The following ACE variants were observed in gnomAD, a reference collection of about 807,000 sequenced individuals.
ACE encodes the protein angiotensin-converting enzyme.
ACE carries 122 observed loss-of-function variants against 162.3 expected under a neutral mutation model. That is an observed-to-expected ratio of 0.75 (90% CI 0.65 to 0.87). The LOEUF (loss-of-function observed/expected upper bound fraction) is 0.87, where lower values mean the gene tolerates loss of function less well. Ranked by LOEUF, ACE falls within the 40% of genes least tolerant of loss-of-function variation. ACE has a pLI of 0.00. For missense variants in ACE, 1,799 were observed against 1,735.1 expected, an observed-to-expected ratio of 1.04 and a Z score of -0.65; for synonymous variants, 796 against 720.6, an observed-to-expected ratio of 1.10 and a Z score of -1.68.
Position 63,490,680 on chromosome 17 carries a change from C to A in ACE, c.2642-274C>A, listed in dbSNP as rs1599151103. ...TCCTCACATGTCAGCAGTTGCTAGT[C>A]ACATTGGTCTCCACTGCTCACGGAC... On this transcript the variant is annotated intron_variant, in intron 17 of 24. Transcript: ENST00000290866. 5 of 492,962 alleles carry A rather than the reference C, an allele frequency of 1.0e-5. No individual in the cohort carries two copies. In the East Asian group the frequency reaches 1.9e-4, roughly 19 times the overall value. The allele number at this position is 492,962 out of a possible 1,614,324, so 30.5% of individuals were successfully genotyped here.
intron 15 of ACE, among the ~76,000 whole-genome samples, 161 bp downstream of exon 15, chr17:63,487,234 C>T (rs921334588): frequency 2.6e-5 from 4 of 152,122 alleles, no homozygotes; most frequent in Non-Finnish European, 5.9e-5. Context: ...CTTCTCTGCC[C>T]CACTGAGAGC....
Position 63,491,100 on chromosome 17 carries a change from C to G in ACE, c.2739+49C>G. The G allele has an allele frequency of 6.2e-7, 1 of 1,611,760 alleles. No individual in the cohort carries two copies. The highest frequency in any genetic ancestry group is 1.7e-5 in the Admixed American group (1 of 60,024). On this transcript the variant is annotated intron_variant, in intron 18 of 24. Coordinates refer to ENST00000290866, the MANE Select transcript of ACE (RefSeq NM_000789.4). This position sits in a 1 kb window ranked among gnomAD's most constrained non-coding sequence, Gnocchi z 4.4. ...GAGGCCCCGCCGGGATGGGAGGGAC[C>G]CTCTGATTCAGGAGTTCCCTCCAGT...
At position 63,494,399 on chromosome 17, in the gene ACE, A is replaced by C. The variant is rs771498675; in HGVS notation, c.3309A>C (p.Pro1103=). 2.5e-6 allele frequency: 4 copies of C among 1,614,130 alleles called. No individual in the cohort carries two copies. In the African/African-American group the frequency reaches 4.0e-5, roughly 16 times the overall value. ...TGAAGTACCAGGGCCTCTGCCCCCCAGTGCCCAGGACTCAAGGTGACTTTG... is the reference window on the plus strand; with the variant it reads ...TGAAGTACCAGGGCCTCTGCCCCCCCGTGCCCAGGACTCAAGGTGACTTTG... ...LRLKYQGLCP[P]VPRTQGDFDP... Residue 1103 remains proline, a synonymous_variant, in exon 22 of 25, where the codon CCA becomes CCC. Transcript: ENST00000290866.
chr17:63,480,603 G>GGTAA (rs1170613280), intron 5 of ACE, 75 bp downstream of exon 5: 6 of 1,521,594 alleles, frequency 3.9e-6, no homozygotes, highest in Admixed American at 1.7e-5. Flanking sequence ...GGATGTCCAG[G>GGTAA]GTAAGGGAAG....
At chr17:63,480,674 G>C (rs2049692200) in intron 5 of ACE, 146 bp downstream of exon 5, 1 of 946,000 alleles carries the variant, frequency 1.1e-6, no homozygotes, top group Non-Finnish European at 1.7e-6. Context: ...TTCACATGCA[G>C]GAGACCATTC....
Position 63,493,911 on chromosome 17 carries a change from T to C in ACE, c.3137-11T>C, listed in dbSNP as rs1323072577. On this transcript the variant is annotated splice_polypyrimidine_tract_variant and intron_variant, in intron 20 of 24. Coordinates refer to ENST00000290866, the MANE Select transcript of ACE (RefSeq NM_000789.4). ...CCCTGGGTCTGACAGCTGGGCTCCC[T>C]TCCCTTGCAGAGCATGACATCAACT... 1 of 1,614,114 alleles carries C rather than the reference T, an allele frequency of 6.2e-7. No individual in the cohort carries two copies. The highest frequency in any genetic ancestry group is 8.5e-7 in the Non-Finnish European group (1 of 1,179,986).
At position 63,478,025 on chromosome 17, in the gene ACE, C is replaced by G. The variant is rs1334067073; in HGVS notation, c.344C>G (p.Pro115Arg). 4.4e-6 allele frequency: 7 copies of G among 1,608,736 alleles called. No homozygotes were observed. Among genetic ancestry groups the G allele is most frequent in the Non-Finnish European group, 5.9e-6 (7 of 1,177,956 alleles). Residue 115 changes from proline to arginine, a missense_variant, in exon 2 of 25, where the codon CCG (proline) becomes CGG (arginine). Physicochemically the swap from Pro to Arg is moderately radical, Grantham distance 103 (BLOSUM62 -2). Coordinates refer to ENST00000290866, the MANE Select transcript of ACE (RefSeq NM_000789.4). ...YEPIWQNFTD[P>R]QLRRIIGAVR... The stretch of plus-strand genomic sequence containing the variant: ...CCGATCTGGCAGAACTTCACGGACC[C>G]GCAGCTGCGCAGGATCATCGGAGCT...
intron 6 of ACE, 72 bp from the exon 7 acceptor site, chr17:63,481,494 G>T: frequency 6.4e-7 from 1 of 1,560,024 alleles, no homozygotes; most frequent in Non-Finnish European, 8.8e-7. Context: ...GACCCGAGAT[G>T]GGGACCCCAG....
chr17:63,478,371 A>G, intron 2 of ACE: 1 of 485,626 alleles, frequency 2.1e-6, no homozygotes, highest in African/African-American at 1.9e-5. Flanking sequence ...GCTTCTTTGG[A>G]AGAGTTGAGA....
At chr17:63,478,823 G>A in intron 2 of ACE, 184 bp from the exon 3 acceptor site, 1 of 650,978 alleles carries the variant, frequency 1.5e-6, no homozygotes, top group Non-Finnish European at 2.8e-6. Context: ...TGCCTCCACT[G>A]GCAGGGGACT....
chr17:63,487,212 C>A, intron 15 of ACE, 139 bp downstream of exon 15: 1 of 740,158 alleles, frequency 1.4e-6, no homozygotes, highest in Non-Finnish European at 2.3e-6. Flanking sequence ...TTCTTGTTTT[C>A]CACGAGGGGG....
rs1322398043 is a variant in ACE at position 63,493,991 on chromosome 17, T to C, written c.3206T>C (p.Val1069Ala). 6.2e-7 allele frequency: 1 copy of C among 1,614,088 alleles called. No individual in the cohort carries two copies. The highest frequency in any genetic ancestry group is 8.5e-7 in the Non-Finnish European group (1 of 1,180,010). Residue 1069 changes from valine (V) to alanine (A), a missense_variant, in exon 21 of 25, where the codon GTC becomes GCC. Transcript: ENST00000290866. ...GCCTTTATCCCCTTCAGCTACCTCG[T>C]CGATCAGTGGCGCTGGAGGGTATTT... ...KIAFIPFSYL[V>A]DQWRWRVFDG...
intron 15 of ACE, 52 bp downstream of exon 15, chr17:63,487,125 G>A (rs771173664): frequency 1.3e-6 from 2 of 1,513,644 alleles, no homozygotes; most frequent in Admixed American, 3.3e-5. Context: ...GACTGGCATG[G>A]GGCCCGGGGG....
intron 17 of ACE, chr17:63,490,401 G>C (rs1021540779): frequency 5.7e-6 from 1 of 176,376 alleles, no homozygotes; most frequent in Non-Finnish European, 1.2e-5. Flanking sequence ...GTGGTGCGGA[G>C]GGGACATGGC....
chr17:63,496,967 A>G lies in ACE; in HGVS notation c.3673A>G (p.Asn1225Asp). Residue 1225 changes from asparagine (N) to aspartate (D), a missense_variant, in exon 24 of 25, where the codon AAC (asparagine) becomes GAC (aspartate). By Grantham distance (23) the Asn-to-Asp change is conservative (BLOSUM62 1). Coordinates refer to ENST00000290866, the MANE Select transcript of ACE (RefSeq NM_000789.4). ...HGEKLGWPQY[N>D]WTPNSARSEG... is the part of the protein sequence containing the mutation. Reference sequence around the variant, plus strand: ...GGAGAAGCTGGGCTGGCCGCAGTACAACTGGACGCCGAACTCCGGTACCGC... The same window carrying G: ...GGAGAAGCTGGGCTGGCCGCAGTACGACTGGACGCCGAACTCCGGTACCGC... 6.2e-7 allele frequency: 1 copy of G among 1,612,024 alleles called. No individual in the cohort carries two copies. The highest frequency in any genetic ancestry group is 1.9e-4 in the Middle Eastern group (1 of 5,174).
In ACE at chr17:63,477,952, C is replaced by G. The variant is rs1414717313; in HGVS notation, c.271C>G (p.Gln91Glu). The change falls in exon 2 of 25, where the codon CAG becomes GAG. Residue 91 changes from glutamine to glutamate, a missense_variant. By Grantham distance (29) the Gln-to-Glu change is conservative (BLOSUM62 2). Coordinates refer to ENST00000290866, the MANE Select transcript of ACE (RefSeq NM_000789.4). ...RRQEEAALLSQEFAEAWGQKA... is the reference protein window; with the variant it reads ...RRQEEAALLSEEFAEAWGQKA... Reference sequence around the variant, plus strand: ...ATAGGAGGAAGCAGCCCTGCTCAGCCAGGAGTTTGCGGAGGCCTGGGGCCA... The same window carrying G: ...ATAGGAGGAAGCAGCCCTGCTCAGCGAGGAGTTTGCGGAGGCCTGGGGCCA... The G allele has an allele frequency of 1.2e-6, 2 of 1,611,796 alleles. No homozygotes were observed. The highest frequency in any genetic ancestry group is 1.7e-6 in the Non-Finnish European group (2 of 1,179,352).
At chr17:63,490,898 G>A (rs753896323) in intron 17 of ACE, 56 bp from the exon 18 acceptor site, 2 of 1,547,370 alleles carry the variant, frequency 1.3e-6, no homozygotes, top group Admixed American at 1.7e-5. Flanking sequence ...GGAGGGCATT[G>A]AGCCTAAGTA....
intron 4 of ACE, 90 bp from the exon 5 acceptor site, chr17:63,480,247 C>T: frequency 7.1e-7 from 1 of 1,409,264 alleles, no homozygotes; most frequent in Middle Eastern, 2.3e-4. Flanking sequence ...GATCCACGGG[C>T]CTCGAGCCAG....
In ACE at chr17:63,483,959, G is replaced by A. The variant is rs769805183; in HGVS notation, c.1697G>A (p.Gly566Glu). ...QCDIYRSTKA[G>E]AKLRKVLQAG... ...GACATCTACCGGTCCACCAAGGCAG[G>A]GGCCAAGCTCCGGTGTGTGGTGGGA... The change falls in exon 11 of 25, where the codon GGG (glycine) becomes GAG (glutamate). Residue 566 changes from glycine (G) to glutamate (E), a missense_variant. Transcript: ENST00000290866. 1 of 1,613,890 alleles carries A rather than the reference G, an allele frequency of 6.2e-7. No individual in the cohort carries two copies. Among genetic ancestry groups the A allele is most frequent in the Middle Eastern group, 1.7e-4 (1 of 6,056 alleles).
Sources: allele counts gnomAD v4.1 joint callset (sites outside exome capture counted in the v4.1 genomes callset), GRCh38; gene constraint gnomAD v4.1.1; non-coding constraint Gnocchi (gnomAD v3.1); transcripts MANE v1.5; gene names NCBI Gene and HGNC (gene_info 2026-07-23, HGNC 2026-07-21).